ABCC9: variants seen among roughly 807,000 people sequenced by gnomAD.
ABCC9 encodes the protein ATP binding cassette subfamily C member 9.
Under a neutral mutation model 188.3 loss-of-function variants are expected in ABCC9, and 95 were observed. That is an observed-to-expected ratio of 0.50 (90% CI 0.43 to 0.60). The LOEUF (loss-of-function observed/expected upper bound fraction) is 0.60, where lower values mean the gene tolerates loss of function less well. Ranked by LOEUF, ABCC9 falls within the 20% of genes least tolerant of loss-of-function variation. ABCC9 has a pLI of 0.00. For synonymous variants in ABCC9, 659 were observed against 652.7 expected, an observed-to-expected ratio of 1.01 and a Z score of -0.15; for missense variants, 1,102 against 1,876.3, an observed-to-expected ratio of 0.59 and a Z score of 7.62.
intron 31 of ABCC9, among the ~76,000 whole-genome samples, chr12:21,820,301 T>C (rs1462727451): frequency 6.6e-6 from 1 of 152,058 alleles, no homozygotes; most frequent in African/African-American, 2.4e-5. Context: ...GTGGTGTATA[T>C]GTTAAGAGTT....
At chr12:21,848,588 G>A (rs1426745889) in intron 24 of ABCC9, among the ~76,000 whole-genome samples, 1 of 152,130 alleles carries the variant, frequency 6.6e-6, no homozygotes, top group Non-Finnish European at 1.5e-5. Flanking sequence ...GACTATCCTT[G>A]TAATTTTTCT....
At chr12:21,818,526 A>ATGTGTGTGTGTGTGTGTG (rs71053348) in intron 31 of ABCC9, among the ~76,000 whole-genome samples, 1 of 136,442 alleles carries the variant, frequency 7.3e-6, no homozygotes, top group Non-Finnish European at 1.6e-5. Flanking sequence ...ATATATATAT[A>ATGTGTGTGTGTGTGTGTG]TGTGTGTGTG....
chr12:21,871,722 G>C (rs1946088621), intron 18 of ABCC9, among the ~76,000 whole-genome samples: 1 of 152,126 alleles, frequency 6.6e-6, no homozygotes, highest in Non-Finnish European at 1.5e-5. Context: ...CCTGTGCACT[G>C]TAGGATGTTA....
chr12:21,827,127 G>A, intron 31 of ABCC9: 2 of 985,346 alleles, frequency 2.0e-6, no homozygotes, highest in South Asian at 4.7e-5. Flanking sequence ...AAAGTATTGG[G>A]TTATGAGACA....
intron 30 of ABCC9, among the ~76,000 whole-genome samples, chr12:21,831,456 A>G (rs957974999): frequency 7.9e-5 from 12 of 152,136 alleles, no homozygotes; most frequent in African/African-American, 2.9e-4. Flanking sequence ...TGAAGGGTCA[A>G]CTGTCTAGTG....
chr12:21,926,188 A>G (rs1949038563), intron 4 of ABCC9, 125 bp from the exon 5 acceptor site: 1 of 1,300,178 alleles, frequency 7.7e-7, no homozygotes. Context: ...ATGCAATAGT[A>G]GTTTCCAAGA....
chr12:21,853,032 G>A (rs1266236934), intron 22 of ABCC9, among the ~76,000 whole-genome samples: 2 of 152,060 alleles, frequency 1.3e-5, no homozygotes, highest in African/African-American at 4.8e-5. Flanking sequence ...AATGTTAATT[G>A]GGCCAGGCAT....
chr12:21,840,028 A>C (rs1262708165), intron 29 of ABCC9, among the ~76,000 whole-genome samples: 1 of 152,216 alleles, frequency 6.6e-6, no homozygotes, highest in Non-Finnish European at 1.5e-5. Context: ...TGAAGGAAAA[A>C]TACTGTGGAA....
intron 29 of ABCC9, among the ~76,000 whole-genome samples, chr12:21,839,682 TGAGAA>T (rs1348579411): frequency 6.6e-6 from 1 of 152,226 alleles, no homozygotes; most frequent in African/African-American, 2.4e-5. Context: ...TTTTTGGGGT[TGAGAA>T]GATTAGAGAA....
intron 7 of ABCC9, among the ~76,000 whole-genome samples, chr12:21,915,225 A>ATGTGTGTGTG (rs377233626): frequency 1.5e-3 from 196 of 129,148 alleles, no homozygotes; most frequent in African/African-American, 4.4e-3. Context: ...TTATATATAT[A>ATGTGTGTGTG]TGTGTGTGTG....
intron 28 of ABCC9, 23 bp from the exon 29 acceptor site, chr12:21,842,494 A>G: frequency 6.2e-7 from 1 of 1,611,902 alleles, no homozygotes; most frequent in Non-Finnish European, 8.5e-7. Flanking sequence ...TTTAAAAGGA[A>G]AATATGATTA....
rs773424178 is a variant in ABCC9 at position 21,801,201 on chromosome 12, A to C, written c.4513-20T>G. On this transcript the variant is annotated intron_variant, in intron 39 of 39. Transcript: ENST00000261200. The stretch of plus-strand genomic sequence containing the variant: ...TCGATGCTGTGAGTGAAAAGAAAAC[A>C]TGTATTTGTTACACATTTCAGGGCA... The C allele has an allele frequency of 1.9e-6, 3 of 1,613,550 alleles. No homozygotes were observed. In the African/African-American group the frequency reaches 4.0e-5, roughly 21 times the overall value.
intron 30 of ABCC9, among the ~76,000 whole-genome samples, chr12:21,829,848 A>C (rs1162869211): frequency 6.6e-6 from 1 of 152,184 alleles, no homozygotes; most frequent in Non-Finnish European, 1.5e-5. Flanking sequence ...GAAGACAGAA[A>C]ACTATGCATT....
intron 5 of ABCC9, 86 bp from the exon 6 acceptor site, chr12:21,917,189 A>G: frequency 7.3e-7 from 1 of 1,361,778 alleles, no homozygotes; most frequent in East Asian, 2.3e-5. Context: ...GCTTTTTAAT[A>G]ACAAAGGCAA....
intron 10 of ABCC9, among the ~76,000 whole-genome samples, chr12:21,909,938 C>T (rs574232248): frequency 4.0e-5 from 6 of 151,760 alleles, no homozygotes; most frequent in Non-Finnish European, 5.9e-5. Context: ...GTGTAAATGA[C>T]GGGGTAGGGC....
intron 2 of ABCC9, among the ~76,000 whole-genome samples, chr12:21,938,769 T>C (rs1949590770): frequency 6.6e-6 from 1 of 152,200 alleles, no homozygotes; most frequent in African/African-American, 2.4e-5. Context: ...TCATTAGCTA[T>C]AAGCATTGCT....
intron 38 of ABCC9, 125 bp from the exon 39 acceptor site, chr12:21,806,185 A>C (rs891129393): frequency 1.2e-6 from 1 of 853,156 alleles, no homozygotes; most frequent in African/African-American, 1.7e-5. Context: ...TTTCTGTGGA[A>C]GTCATAAGAA....
intron 17 of ABCC9, among the ~76,000 whole-genome samples, chr12:21,873,151 T>A (rs1204782286): frequency 1.3e-5 from 2 of 151,836 alleles, no homozygotes; most frequent in Admixed American, 1.3e-4. Flanking sequence ...ATTATAAATT[T>A]GTTTTGCATT....
At chr12:21,880,268 T>G (rs1347190787) in intron 16 of ABCC9, among the ~76,000 whole-genome samples, 2 of 151,998 alleles carry the variant, frequency 1.3e-5, no homozygotes, top group East Asian at 3.9e-4. Flanking sequence ...AGGACTAAAG[T>G]TAAAAAGTGT....
Sources: gnomAD v4.1 joint callset for allele counts (sites outside exome capture counted in the v4.1 genomes callset) on GRCh38, gnomAD v4.1.1 for gene constraint, MANE v1.5 for transcripts, NCBI Gene and HGNC (gene_info 2026-07-23, HGNC 2026-07-21) for gene names.